The following SEMA3A variants were observed in gnomAD, a reference collection of about 807,000 sequenced individuals.
SEMA3A encodes semaphorin-3A.
Under a neutral mutation model 97.9 loss-of-function variants are expected in SEMA3A, and 29 were observed. That is an observed-to-expected ratio of 0.30 (90% CI 0.22 to 0.40). The LOEUF (loss-of-function observed/expected upper bound fraction) is 0.40, where lower values mean the gene tolerates loss of function less well. SEMA3A is among the 10% of genes least tolerant of loss of function. The pLI, the probability that SEMA3A is intolerant of heterozygous loss-of-function variation, is 1.00. For missense variants in SEMA3A, 763 were observed against 951.3 expected, an observed-to-expected ratio of 0.80 and a Z score of 2.60; for synonymous variants, 321 against 323.7, an observed-to-expected ratio of 0.99 and a Z score of 0.09.
chr7:84,022,436 T>C (rs1791363449), intron 6 of SEMA3A, among the ~76,000 whole-genome samples: 1 of 152,186 alleles, frequency 6.6e-6, no homozygotes, highest in Non-Finnish European at 1.5e-5. Context: ...GAATACCTAT[T>C]TTCAGCCTGC....
intron 6 of SEMA3A, among the ~76,000 whole-genome samples, chr7:84,021,820 T>C (rs1458830358): frequency 6.6e-6 from 1 of 152,200 alleles, no homozygotes; most frequent in African/African-American, 2.4e-5. Flanking sequence ...TTTCTTGTTT[T>C]TTGGCATGGT....
At chr7:84,301,142 T>G (rs777673015) in intron 3 of SEMA3A, among the ~76,000 whole-genome samples, 9 of 152,018 alleles carry the variant, frequency 5.9e-5, no homozygotes, top group Non-Finnish European at 1.0e-4. Flanking sequence ...AATAAAACTC[T>G]TAGAAGAAAA....
intron 1 of SEMA3A, among the ~76,000 whole-genome samples, chr7:84,160,977 C>T (rs1797013323): frequency 6.6e-6 from 1 of 152,130 alleles, no homozygotes; most frequent in Admixed American, 6.5e-5. Flanking sequence ...ATCACAACTG[C>T]ACTTTCTGTG....
chr7:84,455,251 CAGGT>C (rs1352347258), intron 1 of SEMA3A, among the ~76,000 whole-genome samples: 1 of 151,738 alleles, frequency 6.6e-6, no homozygotes, highest in East Asian at 1.9e-4. Flanking sequence ...AAAAATAAAA[CAGGT>C]AGTTTAAGAT....
At chr7:84,040,541 G>A (rs1792101120) in intron 6 of SEMA3A, among the ~76,000 whole-genome samples, 1 of 152,074 alleles carries the variant, frequency 6.6e-6, no homozygotes, top group South Asian at 2.1e-4. Flanking sequence ...TAATTAATTT[G>A]CAAACAGGCT....
intron 2 of SEMA3A, among the ~76,000 whole-genome samples, chr7:84,345,508 T>C (rs1802277312): frequency 6.6e-6 from 1 of 152,124 alleles, no homozygotes; most frequent in Admixed American, 6.5e-5. Flanking sequence ...AAAATTGGAG[T>C]CAATCCTTTC....
At chr7:84,147,316 A>G (rs1039848591) in intron 1 of SEMA3A, among the ~76,000 whole-genome samples, 3 of 152,224 alleles carry the variant, frequency 2.0e-5, no homozygotes, top group Non-Finnish European at 4.4e-5. Context: ...TTTTGGAGAA[A>G]GAAAAGTAGT....
intron 1 of SEMA3A, among the ~76,000 whole-genome samples, chr7:84,420,703 G>A (rs138999034): frequency 3.9e-5 from 6 of 151,940 alleles, no homozygotes; most frequent in African/African-American, 1.2e-4. Context: ...TAAAGTCTAT[G>A]ATTTAAAGTC....
At chr7:84,283,642 A>G (rs1444014205) in intron 3 of SEMA3A, among the ~76,000 whole-genome samples, 1 of 152,260 alleles carries the variant, frequency 6.6e-6, no homozygotes, top group Non-Finnish European at 1.5e-5. Context: ...TATTAGATAT[A>G]TATGCAGGGT....
At chr7:84,460,056 C>A (rs966373548) in intron 1 of SEMA3A, among the ~76,000 whole-genome samples, 2 of 152,064 alleles carry the variant, frequency 1.3e-5, no homozygotes, top group African/African-American at 4.8e-5. Flanking sequence ...ACAAAAAAAC[C>A]TAATTCTTAT....
chr7:84,341,434 AT>A lies in SEMA3A; in HGVS notation c.-169+30389del, dbSNP rs200256146. On this transcript the variant is annotated intron_variant, in intron 2 of 3. Coordinates refer to the SEMA3A transcript ENST00000424555. ...CATTAAACTCCAAGTCATTAAGATA[AT>A]TTTTTTCTAAATTAAAAAATAAATC... Among the ~76,000 whole-genome samples, 649 of 152,062 alleles carry A rather than the reference AT, an allele frequency of 4.3e-3. 6 individuals are homozygous for A. The highest frequency in any genetic ancestry group is 0.015 in the African/African-American group (620 of 41,494).
chr7:84,143,950 A>ACACACACACACAC (rs1796387775), intron 1 of SEMA3A, among the ~76,000 whole-genome samples: 2 of 94,654 alleles, frequency 2.1e-5, no homozygotes, highest in African/African-American at 7.0e-5. Flanking sequence ...CTCTCTCTCT[A>ACACACACACACAC]ACACACACAC....
chr7:84,080,373 C>G (rs1269649669), intron 4 of SEMA3A, among the ~76,000 whole-genome samples: 1 of 151,614 alleles, frequency 6.6e-6, no homozygotes, highest in Non-Finnish European at 1.5e-5. Flanking sequence ...AAAAAAGAGA[C>G]TACCTAAAAA....
chr7:84,211,692 A>G (rs1798631884), intron 3 of SEMA3A, among the ~76,000 whole-genome samples: 1 of 152,166 alleles, frequency 6.6e-6, no homozygotes, highest in African/African-American at 2.4e-5. Context: ...GAGACCAGCA[A>G]GAAAAGAAAA....
intron 1 of SEMA3A, 51 bp downstream of exon 1, chr7:84,194,424 G>A (rs752990019): frequency 2.8e-5 from 35 of 1,228,290 alleles, no homozygotes; most frequent in East Asian, 1.9e-4. Context: ...GGAATTAAGG[G>A]GGGGGGCGGT....
Position 84,006,496 on chromosome 7 carries a change from G to A in SEMA3A, c.1140+857C>T, listed in dbSNP as rs1267766112. Among the ~76,000 whole-genome samples, 4 of 151,880 alleles carry A rather than the reference G, an allele frequency of 2.6e-5. No individual in the cohort carries two copies. In the South Asian group the frequency reaches 6.2e-4, roughly 24 times the overall value. On this transcript the variant is annotated intron_variant, in intron 10 of 16. Transcript: ENST00000265362. ...TAATGGCCCCAGCAGCCAGAAAGAT[G>A]CATGGTTTTGCACTGGCATAACCTC...
At position 84,221,587 on chromosome 7, in the gene SEMA3A, T is replaced by C. The variant is rs571836289; in HGVS notation, c.-82-26919A>G. ...TTAGAAGCCAATGTAGAATTATCAA[T>C]TGGCCTAATTTAAATACTGAAATTA... On this transcript the variant is annotated intron_variant, in intron 3 of 3. Transcript: ENST00000424555. Among the ~76,000 whole-genome samples, 10 of 152,188 alleles carry C rather than the reference T, an allele frequency of 6.6e-5. No individual in the cohort carries two copies. The South Asian group carries it at 1.7e-3, about 25-fold the overall frequency.
chr7:84,184,166 A>C lies in SEMA3A; in HGVS notation c.112+10309T>G, dbSNP rs150742734. ...CAGACATTGATCTGCCTTGCTAAGT[A>C]ATTTCACAGGCGTCAGAACGTTTTT... On this transcript the variant is annotated intron_variant, in intron 1 of 16. Coordinates refer to ENST00000265362, the MANE Select transcript of SEMA3A (RefSeq NM_006080.3). Among the ~76,000 whole-genome samples, 761 of 152,260 alleles carry C rather than the reference A, an allele frequency of 5.0e-3. 6 individuals are homozygous for C. In the Middle Eastern group the frequency reaches 0.078, roughly 16 times the overall value.
intron 3 of SEMA3A, among the ~76,000 whole-genome samples, chr7:84,251,921 T>C (rs1198533939): frequency 2.6e-5 from 4 of 151,934 alleles, no homozygotes; most frequent in Non-Finnish European, 5.9e-5. Context: ...AAGAAAACAA[T>C]TGCGGAGAAC....
Sources: gnomAD v4.1 joint callset for allele counts (sites outside exome capture counted in the v4.1 genomes callset) on GRCh38, gnomAD v4.1.1 for gene constraint, MANE v1.5 for transcripts, NCBI Gene and HGNC (gene_info 2026-07-23, HGNC 2026-07-21) for gene names.